Variants in HNRNPA3 observed in about 807,000 individuals in gnomAD.
HNRNPA3 encodes the protein heterogeneous nuclear ribonucleoprotein A3, also known as epididymis secretory sperm binding protein.
Under a neutral mutation model 45.8 loss-of-function variants are expected in HNRNPA3, and 3 were observed. The observed-to-expected ratio is 0.07, with a 90% CI of 0.03 to 0.17. HNRNPA3 has a LOEUF of 0.17. HNRNPA3 is among the 10% of genes least tolerant of loss of function. HNRNPA3 has a pLI of 1.00. For synonymous variants in HNRNPA3, 170 were observed against 155.6 expected, an observed-to-expected ratio of 1.09 and a Z score of -0.69; for missense variants, 183 against 480.3, an observed-to-expected ratio of 0.38 and a Z score of 5.79.
intron 1 of HNRNPA3, among the ~76,000 whole-genome samples, chr2:177,213,185 C>T (rs1688759697): frequency 7.2e-6 from 1 of 138,216 alleles, no homozygotes; most frequent in South Asian, 2.6e-4. Flanking sequence ...CCGGCGGGAG[C>T]GGTTGGGAGG....
intron 8 of HNRNPA3, 130 bp downstream of exon 8, chr2:177,217,975 TTGGTAG>T: frequency 1.0e-6 from 1 of 957,730 alleles, no homozygotes; most frequent in Non-Finnish European, 1.4e-6. Flanking sequence ...ACTAAAATGG[TTGGTAG>T]TTCAAACCAA....
Position 177,217,700 on chromosome 2 carries a change from T to G in HNRNPA3, c.821-5T>G. 1 of 1,612,492 alleles carries G rather than the reference T, an allele frequency of 6.2e-7. No individual in the cohort carries two copies. Among genetic ancestry groups the G allele is most frequent in the African/African-American group, 1.3e-5 (1 of 74,986 alleles). ...GTGTGGTCTTGTTATTTGTTGTTTT[T>G]TTAGGTGGCAACTATGGCGGTGGTC... On this transcript the variant is annotated splice_region_variant and splice_polypyrimidine_tract_variant and intron_variant, in intron 7 of 10. Coordinates refer to ENST00000392524, the Ensembl canonical transcript of HNRNPA3.
downstream of HNRNPA3, chr2:177,223,356 G>A (rs1387863057): frequency 2.0e-5 from 3 of 150,122 alleles, no homozygotes; most frequent in African/African-American, 4.9e-5. Context: ...TTCCATTGTC[G>A]TTTCTGAAAA....
At chr2:177,220,805 T>G (rs1337926181), downstream of HNRNPA3, 3 of 152,652 alleles carry the variant, frequency 2.0e-5, no homozygotes, top group African/African-American at 7.2e-5. Flanking sequence ...GAGAAGAGTT[T>G]TAGTTAATAA....
At chr2:177,218,624 A>G (rs775295539) in intron 8 of HNRNPA3, among the ~76,000 whole-genome samples, 2 of 152,204 alleles carry the variant, frequency 1.3e-5, no homozygotes, top group Non-Finnish European at 2.9e-5. Context: ...CGTTTAAGCA[A>G]GCTAGTGTAT....
At chr2:177,216,564 A>G (rs1688947652) in exon 5 of HNRNPA3, 1 of 1,613,952 alleles carries the variant, frequency 6.2e-7, no homozygotes, top group South Asian at 1.1e-5. Flanking sequence ...TTTCTAAACA[A>G]GAGATGCAGT....
At chr2:177,213,677 C>T (rs1191213128) in intron 1 of HNRNPA3, among the ~76,000 whole-genome samples, 2 of 152,118 alleles carry the variant, frequency 1.3e-5, no homozygotes, top group African/African-American at 4.8e-5. Context: ...ACCCAGCCAG[C>T]TCCTTCCCGG....
At chr2:177,221,665 TA>T (rs1390365167), downstream of HNRNPA3, 1 of 152,682 alleles carries the variant, frequency 6.5e-6, no homozygotes, top group Non-Finnish European at 1.5e-5. Flanking sequence ...ATGTGCTTTT[TA>T]AGCACAGTGT....
At chr2:177,214,038 G>A (rs1274676711) in intron 1 of HNRNPA3, among the ~76,000 whole-genome samples, 1 of 152,172 alleles carries the variant, frequency 6.6e-6, no homozygotes, top group East Asian at 1.9e-4. Flanking sequence ...CTACCTCTAG[G>A]AGACACAGGA....
At chr2:177,221,975 A>G (rs1227852257), downstream of HNRNPA3, 6 of 152,686 alleles carry the variant, frequency 3.9e-5, no homozygotes, top group South Asian at 2.1e-4. Context: ...AATAAGCATT[A>G]GGTAAGGCTT....
At position 177,216,664 on chromosome 2, in the gene HNRNPA3, C is replaced by A. The variant is rs373138258; in HGVS notation, c.644-12C>A. 16 of 1,613,602 alleles carry A rather than the reference C, an allele frequency of 9.9e-6. No individual in the cohort carries two copies. In the African/African-American group the frequency reaches 2.1e-4, roughly 22 times the overall value. On this transcript the variant is annotated splice_polypyrimidine_tract_variant and intron_variant, in intron 5 of 10. Transcript: ENST00000392524. Reference sequence around the variant, plus strand: ...GTAAGGTTCTTAAAAATCTCCCTTGCCTGTATTAAAGGTCGTGGAGGTGGA... The same window carrying A: ...GTAAGGTTCTTAAAAATCTCCCTTGACTGTATTAAAGGTCGTGGAGGTGGA...
downstream of HNRNPA3, chr2:177,220,669 TC>T (rs1393761733): frequency 6.6e-6 from 1 of 152,634 alleles, no homozygotes; most frequent in Non-Finnish European, 1.5e-5. Flanking sequence ...GCTTCTCACT[TC>T]CTACAGACCT....
At chr2:177,212,939 G>A in intron 1 of HNRNPA3, 68 bp downstream of exon 1, 1 of 1,083,984 alleles carries the variant, frequency 9.2e-7, no homozygotes, top group Non-Finnish European at 1.3e-6. Flanking sequence ...GGTGGGAGCG[G>A]GGAGGCCGGG....
At chr2:177,222,160 C>T (rs892707957), downstream of HNRNPA3, 2 of 152,598 alleles carry the variant, frequency 1.3e-5, no homozygotes, top group African/African-American at 4.8e-5. Context: ...ACAGTAAAAC[C>T]TGATGACACC....
At chr2:177,223,660 A>C (rs1689283833), downstream of HNRNPA3, 1 of 152,228 alleles carries the variant, frequency 6.6e-6, no homozygotes, top group Non-Finnish European at 1.5e-5. Flanking sequence ...AAATTAGTGA[A>C]TAAGCATGCC....
At chr2:177,217,625 T>A in intron 7 of HNRNPA3, 80 bp from the exon 8 acceptor site, 3 of 1,559,606 alleles carry the variant, frequency 1.9e-6, no homozygotes, top group Non-Finnish European at 1.8e-6. Context: ...AGACCCAGTC[T>A]CTTACACACA....
At chr2:177,215,159 A>G (rs1040593287) in intron 1 of HNRNPA3, among the ~76,000 whole-genome samples, 2 of 152,066 alleles carry the variant, frequency 1.3e-5, no homozygotes, top group African/African-American at 2.4e-5. Context: ...CTGGAGTGTA[A>G]TGACATGATC....
At chr2:177,223,713 T>C (rs570826184), downstream of HNRNPA3, 2 of 152,336 alleles carry the variant, frequency 1.3e-5, no homozygotes, top group African/African-American at 4.8e-5. Flanking sequence ...TATCTAAATA[T>C]TCAAAATTAC....
chr2:177,215,429 G>A, intron 1 of HNRNPA3, 110 bp from the exon 2 acceptor site: 1 of 1,136,414 alleles, frequency 8.8e-7, no homozygotes, highest in Non-Finnish European at 1.3e-6. Flanking sequence ...AGTGTTAACT[G>A]TCACAGGAAT....
Sources: allele counts gnomAD v4.1 joint callset (sites outside exome capture counted in the v4.1 genomes callset), GRCh38; gene constraint gnomAD v4.1.1; transcripts MANE v1.5; gene names NCBI Gene and HGNC (gene_info 2026-07-23, HGNC 2026-07-21).